PGBD1: variants seen among roughly 807,000 people sequenced by gnomAD.
PGBD1 encodes piggyBac transposable element derived 1, also known as piggyBac transposable element-derived protein 1.
In PGBD1, 25 loss-of-function variants were observed where a neutral mutation model predicts 34.7. That is an observed-to-expected ratio of 0.72 (90% CI 0.52 to 1.00). PGBD1 has a LOEUF of 1.00. Among genes scored for constraint, PGBD1 ranks in the 50% least tolerant of loss-of-function variants. The pLI, the probability that PGBD1 is intolerant of heterozygous loss-of-function variation, is 0.00. For missense variants in PGBD1, 830 were observed against 959.4 expected, an observed-to-expected ratio of 0.87 and a Z score of 1.78; for synonymous variants, 292 against 335.7, an observed-to-expected ratio of 0.87 and a Z score of 1.42.
chr6:28,293,756 A>G (rs746759365), intron 4 of PGBD1, among the ~76,000 whole-genome samples: 3 of 152,206 alleles, frequency 2.0e-5, no homozygotes, highest in African/African-American at 4.8e-5. Flanking sequence ...CCTAATCAAT[A>G]AACATTGTAT....
Position 28,300,838 on chromosome 6 carries a change from C to G in PGBD1, c.984C>G (p.Ile328Met). ...HPGDLWARMH[I>M]SSLEYAAGDI... ...GTGATTTGTGGGCCCGCATGCACAT[C>G]TCATCCCTGGAATATGCTGCAGGAG... Residue 328 changes from isoleucine (I) to methionine (M), a missense_variant, in exon 7 of 7, where the codon ATC becomes ATG. By Grantham distance (10) the Ile-to-Met change is conservative. This residue lies in a region of PGBD1 where 457 missense variants were observed against 515.4 expected (regional missense o/e 0.89). Transcript: ENST00000682144. The surrounding 1 kb of genome is among the most constrained non-coding windows in gnomAD (Gnocchi z 4.0). 6.2e-7 allele frequency: 1 copy of G among 1,614,124 alleles called. No individual in the cohort carries two copies. The highest frequency in any genetic ancestry group is 8.5e-7 in the Non-Finnish European group (1 of 1,180,032).
In PGBD1 at chr6:28,301,483, T is replaced by C. The variant is rs780409677; in HGVS notation, c.1629T>C (p.Tyr543=). The C allele has an allele frequency of 1.2e-6, 2 of 1,613,904 alleles. No homozygotes were observed. The highest frequency in any genetic ancestry group is 1.1e-5 in the South Asian group (1 of 91,094). Residue 543 remains tyrosine (Y), a synonymous_variant, in exon 7 of 7, where the codon TAT becomes TAC. Coordinates refer to ENST00000682144, the MANE Select transcript of PGBD1 (RefSeq NM_032507.4). ...FLLYAPLEEY[Y]CFDKSMCECF... is the part of the protein sequence containing the mutation. The stretch of plus-strand genomic sequence containing the variant: ...TGTATGCTCCCCTGGAAGAATACTA[T>C]TGCTTTGATAAGTCAATGTGTGAAT...
At position 28,284,164 on chromosome 6, in the gene PGBD1, A is replaced by AC; in HGVS notation, c.351_352insC (p.Val118ArgfsTer54). 6.3e-7 allele frequency: 1 copy of AC among 1,587,238 alleles called. No individual in the cohort carries two copies. The highest frequency in any genetic ancestry group is 8.6e-7 in the Non-Finnish European group (1 of 1,164,756). On this transcript the variant is annotated frameshift_variant, in exon 2 of 7. Coordinates refer to ENST00000682144, the MANE Select transcript of PGBD1 (RefSeq NM_032507.4). LOFTEE classifies it high-confidence loss of function. ...TGGAGAGTGGAGAGGAGGCAGTGAC[A>AC]GTGCTGGAGAATCTAGAGACAGGAA... is the stretch of plus-strand genomic sequence containing the variant.
chr6:28,295,828 G>A (rs1200379137), intron 4 of PGBD1, among the ~76,000 whole-genome samples: 1 of 152,126 alleles, frequency 6.6e-6, no homozygotes, highest in Non-Finnish European at 1.5e-5. Flanking sequence ...TATCTCTGAG[G>A]TAGGCCTATG....
intron 1 of PGBD1, 106 bp from the exon 2 acceptor site, chr6:28,283,670 A>G (rs1301727049): frequency 2.0e-6 from 2 of 1,006,012 alleles, no homozygotes; most frequent in East Asian, 2.5e-5. Flanking sequence ...AGCATTACCT[A>G]CAGTGGGGAC....
At position 28,284,085 on chromosome 6, in the gene PGBD1, A is replaced by T. The variant is rs138000084; in HGVS notation, c.272A>T (p.Gln91Leu). The change falls in exon 2 of 7, where the codon CAG (glutamine) becomes CTG (leucine). Residue 91 changes from glutamine to leucine, a missense_variant. Gln to Leu is a moderately radical substitution (Grantham distance 113). Transcript: ENST00000682144. ...EQIMELLVLE[Q>L]FLTILPKELQ... The stretch of plus-strand genomic sequence containing the variant: ...ATAATGGAACTGCTGGTGCTGGAGC[A>T]GTTCCTGACCATCCTGCCCAAGGAG... The T allele has an allele frequency of 6.2e-7, 1 of 1,614,220 alleles. No homozygotes were observed. Among genetic ancestry groups the T allele is most frequent in the Non-Finnish European group, 8.5e-7 (1 of 1,180,042 alleles).
rs769288394 is a variant in PGBD1, at chr6:28,300,755, C to T, written c.901C>T (p.Pro301Ser). Residue 301 changes from proline (P) to serine (S), a missense_variant, in exon 7 of 7, where the codon CCT (proline) becomes TCT (serine). Physicochemically the swap from Pro to Ser is moderately conservative, Grantham distance 74. Coordinates refer to ENST00000682144, the MANE Select transcript of PGBD1 (RefSeq NM_032507.4). The surrounding 1 kb of genome is among the most constrained non-coding windows in gnomAD (Gnocchi z 4.0). ...TGCACCCCAGATTCCTTGTAGTACT[C>T]CTATTGCTACTGAAAGGACAGTTGC... ...ECAPQIPCSTPIATERTVAHL... is the reference protein window; with the variant it reads ...ECAPQIPCSTSIATERTVAHL... 6 of 1,613,782 alleles carry T rather than the reference C, an allele frequency of 3.7e-6. No individual in the cohort carries two copies. In the South Asian group the frequency reaches 5.5e-5, roughly 15 times the overall value.
At chr6:28,290,950 C>G (rs1334016167) in intron 4 of PGBD1, among the ~76,000 whole-genome samples, 1 of 151,670 alleles carries the variant, frequency 6.6e-6, no homozygotes, top group Non-Finnish European at 1.5e-5. Flanking sequence ...ACTGCAAAAG[C>G]AGTACTAAGA....
Position 28,297,973 on chromosome 6 carries a change from C to G in PGBD1, c.851C>G (p.Ala284Gly), listed in dbSNP as rs1267207076. 6.2e-7 allele frequency: 1 copy of G among 1,610,286 alleles called. No homozygotes were observed. The highest frequency in any genetic ancestry group is 1.7e-5 in the Admixed American group (1 of 59,570). ...GAAGAAATGGAACAAAGTGGAGAAG[C>G]CTCAGGAAAGCCCAACAGGTGAGTG... ...TSEEMEQSGE[A>G]SGKPNRECAP... is the part of the protein sequence containing the mutation. Residue 284 changes from alanine (A) to glycine (G), a missense_variant, in exon 6 of 7, where the codon GCC becomes GGC. Ala to Gly is a moderately conservative substitution (Grantham distance 60). Coordinates refer to ENST00000682144, the MANE Select transcript of PGBD1 (RefSeq NM_032507.4).
Position 28,296,949 on chromosome 6 carries a change from A to G in PGBD1, c.772+4A>G. ...GTTATGAGCCTCAGTCCGATGAGTA[A>G]GGCCAGGCCTCTGGCTGGACCCCTG... is the stretch of plus-strand genomic sequence containing the variant. On this transcript the variant is annotated splice_donor_region_variant and intron_variant, in intron 5 of 6. Coordinates refer to ENST00000682144, the MANE Select transcript of PGBD1 (RefSeq NM_032507.4). The G allele has an allele frequency of 6.2e-7, 1 of 1,613,934 alleles. No homozygotes were observed. Among genetic ancestry groups the G allele is most frequent in the Non-Finnish European group, 8.5e-7 (1 of 1,179,912 alleles).
At chr6:28,297,816 G>GTGT in intron 5 of PGBD1, 79 bp from the exon 6 acceptor site, 23 of 350,512 alleles carry the variant, frequency 6.6e-5, no homozygotes, top group East Asian at 1.7e-4. Flanking sequence ...TACCCTGGAA[G>GTGT]TTTTTTTTTT....
chr6:28,291,391 A>T (rs1429054352), intron 4 of PGBD1, among the ~76,000 whole-genome samples: 4 of 152,042 alleles, frequency 2.6e-5, no homozygotes, highest in Non-Finnish European at 5.9e-5. Flanking sequence ...AGATTGGACC[A>T]TGAAAAAATA....
At chr6:28,287,224 C>G (rs767017840) in intron 4 of PGBD1, 56 bp downstream of exon 4, 7 of 1,428,654 alleles carry the variant, frequency 4.9e-6, no homozygotes, top group Non-Finnish European at 6.9e-6. Context: ...CTCCCTCATT[C>G]CATGTTCCTT....
chr6:28,293,927 C>G (rs1032450345), intron 4 of PGBD1, among the ~76,000 whole-genome samples: 1 of 152,066 alleles, frequency 6.6e-6, no homozygotes, highest in Non-Finnish European at 1.5e-5. Context: ...TCACATGCCT[C>G]TCAGGTTCAA....
rs1176610075 is a variant in PGBD1, at chr6:28,285,691, C to A, written c.537C>A (p.Asn179Lys). ...KCEPPQRPQG[N>K]PQEVSGPVPH... ...AACCTCCACAGCGTCCTCAAGGGAA[C>A]CCCCAAGAAGTGAGTGGTGAGTGCT... The change falls in exon 3 of 7, where the codon AAC (asparagine) becomes AAA (lysine). Residue 179 changes from asparagine to lysine, a missense_variant. Transcript: ENST00000682144. 1 of 1,613,594 alleles carries A rather than the reference C, an allele frequency of 6.2e-7. No homozygotes were observed. The highest frequency in any genetic ancestry group is 1.3e-5 in the African/African-American group (1 of 74,998).
At position 28,286,793 on chromosome 6, in the gene PGBD1, C is replaced by CT. The variant is rs1762298093; in HGVS notation, c.554-286dup. Reference sequence around the variant, plus strand: ...GCTTCTTCCTCCCCTTTATTTTTGTCTATGATTTTTATTTTTTCTTTATGT... The same window carrying CT: ...GCTTCTTCCTCCCCTTTATTTTTGTCTTATGATTTTTATTTTTTCTTTATGT... On this transcript the variant is annotated intron_variant, in intron 3 of 6. Coordinates refer to ENST00000682144, the MANE Select transcript of PGBD1 (RefSeq NM_032507.4). Among the ~76,000 whole-genome samples the CT allele has an allele frequency of 3.9e-5, 6 of 151,966 alleles. No individual in the cohort carries two copies. The South Asian group carries it at 1.0e-3, about 26-fold the overall frequency.
intron 6 of PGBD1, 45 bp downstream of exon 6, chr6:28,298,036 G>A (rs9468330): frequency 3.7e-6 from 5 of 1,346,304 alleles, no homozygotes; most frequent in Non-Finnish European, 5.3e-6. Context: ...GCAGATATAA[G>A]AAATTGGAAT....
At position 28,302,159 on chromosome 6, in the gene PGBD1, G is replaced by A; in HGVS notation, c.2305G>A (p.Val769Ile). 1 of 1,614,106 alleles carries A rather than the reference G, an allele frequency of 6.2e-7. No homozygotes were observed. The change falls in exon 7 of 7, where the codon GTA becomes ATA. Residue 769 changes from valine (V) to isoleucine (I), a missense_variant. Val to Ile is a conservative substitution (Grantham distance 29). Around this residue, in one of 3 missense-constraint regions of PGBD1, gnomAD observed 372 missense variants for 427.9 expected, o/e 0.87. Coordinates refer to ENST00000682144, the MANE Select transcript of PGBD1 (RefSeq NM_032507.4). The part of the protein sequence containing the change: ...YSILVSYMID[V>I]AMNNAWQLHR... ...AATTTTGGTGAGCTACATGATTGAT[G>A]TAGCCATGAACAATGCATGGCAACT... is the stretch of plus-strand genomic sequence containing the variant.
At chr6:28,297,167 C>G (rs975756015) in intron 5 of PGBD1, among the ~76,000 whole-genome samples, 3 of 152,198 alleles carry the variant, frequency 2.0e-5, no homozygotes, top group African/African-American at 2.4e-5. Context: ...GTTATCTTCT[C>G]TGATCATCTC....
Sources: allele counts gnomAD v4.1 joint callset (sites outside exome capture counted in the v4.1 genomes callset), GRCh38; gene constraint gnomAD v4.1.1; regional missense constraint gnomAD v4.1.1; non-coding constraint Gnocchi (gnomAD v3.1); transcripts MANE v1.5; gene names NCBI Gene and HGNC (gene_info 2026-07-23, HGNC 2026-07-21).